Variants in RGS6 observed in about 807,000 individuals in gnomAD.
RGS6 encodes the protein regulator of G protein signaling 6.
In RGS6, 30 loss-of-function variants were observed where a neutral mutation model predicts 78.5. The observed-to-expected ratio is 0.38, with a 90% confidence interval of 0.29 to 0.52. The LOEUF (loss-of-function observed/expected upper bound fraction) is 0.52, where lower values mean the gene tolerates loss of function less well. Among genes scored for constraint, RGS6 ranks in the 20% least tolerant of loss-of-function variants. RGS6 has a pLI of 0.85. For synonymous variants in RGS6, 206 were observed against 206.0 expected (o/e 1.00, Z 0.00); for missense variants, 495 against 609.7 (o/e 0.81, Z 1.98).
chr14:71,975,712 C>A (rs1299269515), intron 2 of RGS6, among the ~76,000 whole-genome samples: 3 of 152,208 alleles, frequency 2.0e-5, no homozygotes, highest in Non-Finnish European at 2.9e-5. Context: ...CCACCTCAGC[C>A]TCCCAAAGTG....
chr14:72,328,379 C>T (rs1215671094), intron 2 of RGS6, among the ~76,000 whole-genome samples: 3 of 152,126 alleles, frequency 2.0e-5, no homozygotes, highest in African/African-American at 7.2e-5. Context: ...GAAAAGCACC[C>T]AGTACATAAT....
intron 2 of RGS6, among the ~76,000 whole-genome samples, chr14:72,207,120 A>G (rs1465912192): frequency 6.6e-6 from 1 of 152,248 alleles, no homozygotes; most frequent in Non-Finnish European, 1.5e-5. Flanking sequence ...ATTAAGAAAA[A>G]GAACCATGTA....
intron 3 of RGS6, among the ~76,000 whole-genome samples, chr14:72,407,130 A>G (rs1375706350): frequency 2.0e-5 from 3 of 152,222 alleles, no homozygotes; most frequent in Non-Finnish European, 4.4e-5. Flanking sequence ...TGTAGGTTCT[A>G]ATACCAAGAC....
chr14:72,291,118 C>T (rs1249187217), intron 2 of RGS6, among the ~76,000 whole-genome samples: 1 of 151,810 alleles, frequency 6.6e-6, no homozygotes, highest in African/African-American at 2.4e-5. Context: ...CTCTCAGGCT[C>T]CGATGTTTCA....
At chr14:72,156,220 G>T (rs2096768040) in intron 2 of RGS6, among the ~76,000 whole-genome samples, 1 of 152,198 alleles carries the variant, frequency 6.6e-6, no homozygotes, top group Non-Finnish European at 1.5e-5. Context: ...GCTGAGGCAG[G>T]AGGATCATGA....
At chr14:72,324,116 T>C (rs964522529) in intron 2 of RGS6, among the ~76,000 whole-genome samples, 1 of 152,110 alleles carries the variant, frequency 6.6e-6, no homozygotes, top group Non-Finnish European at 1.5e-5. Context: ...TGTTGTGCTA[T>C]CAAATACTAG....
At chr14:72,540,635 CT>C (rs761063891) in intron 17 of RGS6, 2 of 1,434,980 alleles carry the variant, frequency 1.4e-6, no homozygotes, top group Non-Finnish European at 1.9e-6. Context: ...TGTGGCCTAG[CT>C]GGCGTGTGTG....
chr14:72,571,952 G>A, the RGS6 span, among the ~76,000 whole-genome samples: 1 of 152,150 alleles, frequency 6.6e-6, no homozygotes, highest in Non-Finnish European at 1.5e-5. Flanking sequence ...GTAAAATTCA[G>A]TAATAAGACA....
At position 72,401,118 on chromosome 14, in the gene RGS6, T is replaced by A. The variant is rs567284267; in HGVS notation, c.184+48924T>A. Among the ~76,000 whole-genome samples, 3 of 152,358 alleles carry A rather than the reference T, an allele frequency of 2.0e-5. No homozygotes were observed. The South Asian group carries it at 6.2e-4, about 32-fold the overall frequency. ...GCATTGCTAAGTTAGATAAATCTTA[T>A]GTTCAGTCTTTTCTATCTTATCTTT... On this transcript the variant is annotated intron_variant, in intron 3 of 17. Transcript: ENST00000553525.
At chr14:71,946,339 G>A (rs907538052) in intron 1 of RGS6, among the ~76,000 whole-genome samples, 1 of 152,088 alleles carries the variant, frequency 6.6e-6, no homozygotes, top group Non-Finnish European at 1.5e-5. Context: ...ACAATCTCTG[G>A]TTTAGTCAAC....
intron 2 of RGS6, among the ~76,000 whole-genome samples, chr14:72,307,542 T>C (rs1471293442): frequency 2.0e-5 from 3 of 152,214 alleles, no homozygotes; most frequent in Non-Finnish European, 2.9e-5. Context: ...TCCATTAACA[T>C]ACAATGTCAT....
At chr14:72,160,634 C>T (rs1280800168) in intron 2 of RGS6, among the ~76,000 whole-genome samples, 1 of 152,148 alleles carries the variant, frequency 6.6e-6, no homozygotes, top group Non-Finnish European at 1.5e-5. Context: ...GGGATGGGTC[C>T]TAATCCAATA....
chr14:72,114,302 A>G (rs1221708611), intron 2 of RGS6, among the ~76,000 whole-genome samples: 1 of 152,146 alleles, frequency 6.6e-6, no homozygotes, highest in Non-Finnish European at 1.5e-5. Context: ...AGGCGGGTCT[A>G]TAGATCCAGT....
intron 2 of RGS6, among the ~76,000 whole-genome samples, chr14:72,295,706 A>G (rs754095464): frequency 1.1e-4 from 16 of 152,206 alleles, no homozygotes; most frequent in Non-Finnish European, 2.2e-4. Context: ...GCTTAATATA[A>G]TATTAATATT....
the RGS6 span, among the ~76,000 whole-genome samples, chr14:71,877,756 C>T: frequency 6.6e-6 from 1 of 152,196 alleles, no homozygotes; most frequent in Admixed American, 6.5e-5. Context: ...AGGAGAAGAG[C>T]ACTCTGATTT....
At chr14:72,208,199 C>T (rs115799348) in intron 2 of RGS6, among the ~76,000 whole-genome samples, 1 of 152,198 alleles carries the variant, frequency 6.6e-6, no homozygotes, top group Admixed American at 6.5e-5. Context: ...GAGAAACTCT[C>T]TATCTCTAGG....
chr14:72,027,232 A>T (rs1278071371), intron 2 of RGS6, among the ~76,000 whole-genome samples: 1 of 150,466 alleles, frequency 6.6e-6, no homozygotes, highest in East Asian at 2.0e-4. Context: ...AGAGAGAGAG[A>T]GAGTGTGTGT....
At chr14:72,602,009 G>A in the RGS6 span, among the ~76,000 whole-genome samples, 1 of 152,216 alleles carries the variant, frequency 6.6e-6, no homozygotes, top group Non-Finnish European at 1.5e-5. Context: ...CATAATCCGA[G>A]ATGATACTGC....
chr14:72,550,770 A>T (rs1375926296), intron 17 of RGS6: 1 of 742,898 alleles, frequency 1.3e-6, no homozygotes, highest in African/African-American at 1.8e-5. Context: ...TCAGCTTCAC[A>T]TCTCATTCTT....
Sources: allele counts gnomAD v4.1 joint callset (sites outside exome capture counted in the v4.1 genomes callset), GRCh38; gene constraint gnomAD v4.1.1; transcripts MANE v1.5; gene names NCBI Gene and HGNC (gene_info 2026-07-23, HGNC 2026-07-21).